KITLG: variants seen among roughly 807,000 people sequenced by gnomAD.
The protein encoded by KITLG is c-Kit ligand.
Under a neutral mutation model 34.1 loss-of-function variants are expected in KITLG, and 13 were observed. That is an observed-to-expected ratio of 0.38 (90% CI 0.25 to 0.61). The LOEUF (loss-of-function observed/expected upper bound fraction) is 0.61, where lower values mean the gene tolerates loss of function less well. Among genes scored for constraint, KITLG ranks in the 20% least tolerant of loss-of-function variants. KITLG has a pLI of 0.60. For missense variants in KITLG, 292 were observed against 318.9 expected (o/e 0.92, Z 0.64); for synonymous variants, 110 against 104.0 (o/e 1.06, Z -0.35).
chr12:88,534,679 T>C (rs780889398), intron 2 of KITLG: 1 of 515,594 alleles, frequency 1.9e-6, no homozygotes, highest in Admixed American at 2.0e-5. Flanking sequence ...TTGCTGCTTA[T>C]TGAAAACACA....
At chr12:88,541,348 A>G (rs187610016) in intron 2 of KITLG, among the ~76,000 whole-genome samples, 1 of 152,282 alleles carries the variant, frequency 6.6e-6, no homozygotes, top group East Asian at 1.9e-4. Context: ...ATGGGACCTT[A>G]AGAAACATTT....
At chr12:88,524,865 G>A (rs527816036) in intron 3 of KITLG, among the ~76,000 whole-genome samples, 3 of 152,232 alleles carry the variant, frequency 2.0e-5, no homozygotes, top group South Asian at 4.1e-4. Flanking sequence ...CAGATAAATA[G>A]TTGACTACAA....
rs1199531282 is a variant in KITLG, at chr12:88,568,289, ATTTATTTATTTATTT to A, written c.15+11960_15+11974del. On this transcript the variant is annotated intron_variant, in intron 1 of 9. Transcript: ENST00000644744. ...TTTCCACATATTATCTCATTTATTT[ATTTATTTATTTATTT>A]ATTTATTTATTTATTTATTTTATTT... 8.7e-3 allele frequency among the ~76,000 whole-genome samples: 151 copies of A among 17,372 alleles called. 4 individuals carry two copies. The South Asian group carries it at 0.42, about 49-fold the overall frequency. The allele number at this position is 17,372 out of a possible 152,430, so 11.4% of individuals were successfully genotyped here. A position where few individuals can be genotyped will look rare whatever the true frequency, so the allele number is the denominator to read the frequency against.
At chr12:88,569,341 C>T (rs895696126) in intron 1 of KITLG, among the ~76,000 whole-genome samples, 2 of 152,156 alleles carry the variant, frequency 1.3e-5, no homozygotes, top group Non-Finnish European at 2.9e-5. Flanking sequence ...ATAAAAACAA[C>T]TACATTACTC....
In KITLG at chr12:88,536,850, G is replaced by T. The variant is rs1338812888; in HGVS notation, c.130-4347C>A. On this transcript the variant is annotated intron_variant, in intron 2 of 9. Coordinates refer to ENST00000644744, the MANE Select transcript of KITLG (RefSeq NM_000899.5). ...GGCCTGTTGGGTATTGGGGGGCTAG[G>T]CGAAGGATAGCACTAGGAGAAATAC... Among the ~76,000 whole-genome samples the T allele has an allele frequency of 2.0e-5, 3 of 152,118 alleles. No homozygotes were observed. In the East Asian group the frequency reaches 5.8e-4, roughly 29 times the overall value.
intron 3 of KITLG, among the ~76,000 whole-genome samples, chr12:88,529,474 A>T (rs1294289791): frequency 2.0e-5 from 3 of 152,210 alleles, no homozygotes; most frequent in Non-Finnish European, 4.4e-5. Context: ...GTGAGACAGA[A>T]TCTGCTAGGT....
rs1320928506 is a variant in KITLG at position 88,516,469 on chromosome 12, T to C, written c.385A>G (p.Ser129Gly). ...SSKDLKKSFK[S>G]PEPRLFTPEE... ...GGAGTAAAGAGCCTGGGTTCTGGGC[T>C]CTTGAATGATTTTTTTAGATCCTAG... The change falls in exon 5 of 10, where the codon AGC becomes GGC. Residue 129 changes from serine (S) to glycine (G), a missense_variant. Coordinates refer to ENST00000644744, the MANE Select transcript of KITLG (RefSeq NM_000899.5). 1.2e-6 allele frequency: 2 copies of C among 1,602,226 alleles called. No homozygotes were observed. Among genetic ancestry groups the C allele is most frequent in the Non-Finnish European group, 1.7e-6 (2 of 1,175,068 alleles).
intron 2 of KITLG, 40 bp downstream of exon 2, chr12:88,545,712 G>A (rs1185297018): frequency 1.8e-6 from 2 of 1,142,194 alleles, no homozygotes; most frequent in Non-Finnish European, 1.3e-6. Context: ...AAGAGCCACA[G>A]CTCTTTTTTA....
intron 2 of KITLG, among the ~76,000 whole-genome samples, chr12:88,537,746 T>G (rs990883995): frequency 6.6e-6 from 1 of 152,104 alleles, no homozygotes; most frequent in Non-Finnish European, 1.5e-5. Context: ...AACCCCGTAG[T>G]ATATTGACTC....
At chr12:88,575,983 T>C (rs980910819) in intron 1 of KITLG, among the ~76,000 whole-genome samples, 6 of 152,038 alleles carry the variant, frequency 3.9e-5, no homozygotes, top group Non-Finnish European at 7.4e-5. Flanking sequence ...AATGAATGCA[T>C]GGCCTCACTC....
At chr12:88,562,536 T>C (rs534978425) in intron 1 of KITLG, among the ~76,000 whole-genome samples, 1 of 152,368 alleles carries the variant, frequency 6.6e-6, no homozygotes, top group South Asian at 2.1e-4. Context: ...ATATTTAGAA[T>C]GAATGAGTGA....
chr12:88,534,563 T>C, intron 2 of KITLG: 1 of 396,426 alleles, frequency 2.5e-6, no homozygotes, highest in Non-Finnish European at 4.8e-6. Context: ...GACGGGGTTT[T>C]GCTATGTTGG....
intron 1 of KITLG, among the ~76,000 whole-genome samples, chr12:88,560,967 C>CAAAAAAAAAAA (rs34851499): frequency 2.2e-4 from 13 of 58,082 alleles, no homozygotes; most frequent in African/African-American, 2.7e-4. Context: ...GACTCTGTCT[C>CAAAAAAAAAAA]AAAAAAAAAA....
At chr12:88,576,200 C>T (rs1001042296) in intron 1 of KITLG, among the ~76,000 whole-genome samples, 5 of 152,100 alleles carry the variant, frequency 3.3e-5, no homozygotes, top group Non-Finnish European at 7.4e-5. Context: ...TTCATTTGTA[C>T]TTTAAAAGAA....
intron 1 of KITLG, among the ~76,000 whole-genome samples, chr12:88,579,377 G>T (rs914561680): frequency 6.6e-6 from 1 of 152,032 alleles, no homozygotes; most frequent in Admixed American, 6.5e-5. Context: ...GTGAGAGGAG[G>T]TAACAATCAA....
chr12:88,533,508 A>G (rs1372095418), intron 2 of KITLG, among the ~76,000 whole-genome samples: 4 of 152,184 alleles, frequency 2.6e-5, no homozygotes, highest in African/African-American at 9.6e-5. Context: ...TACACACTGT[A>G]CCAACTTTGC....
chr12:88,498,604 G>T (rs1394526269), intron 9 of KITLG, among the ~76,000 whole-genome samples: 1 of 152,182 alleles, frequency 6.6e-6, no homozygotes, highest in African/African-American at 2.4e-5. Flanking sequence ...GACAGGCATG[G>T]TGGCTCACAC....
intron 1 of KITLG, among the ~76,000 whole-genome samples, chr12:88,574,871 G>A (rs1871779259): frequency 6.6e-6 from 1 of 152,122 alleles, no homozygotes; most frequent in Admixed American, 6.5e-5. Context: ...TTTAACTATG[G>A]ATTTTGCTAA....
chr12:88,516,871 A>G (rs919247489), intron 4 of KITLG, among the ~76,000 whole-genome samples: 3 of 151,142 alleles, frequency 2.0e-5, no homozygotes, highest in Non-Finnish European at 4.4e-5. Flanking sequence ...ACCATAATGC[A>G]TGCTCTAATA....
Sources: allele counts gnomAD v4.1 joint callset (sites outside exome capture counted in the v4.1 genomes callset), GRCh38; gene constraint gnomAD v4.1.1; transcripts MANE v1.5; gene names NCBI Gene and HGNC (gene_info 2026-07-23, HGNC 2026-07-21).